CDH12: variants seen among roughly 807,000 people sequenced by gnomAD.
CDH12 encodes cadherin-12.
A neutral mutation model predicts 74.1 loss-of-function variants in CDH12; 41 were observed. That is an observed-to-expected ratio of 0.55 (90% CI 0.43 to 0.72). CDH12 has a LOEUF of 0.72. Ranked by LOEUF, CDH12 falls within the 30% of genes least tolerant of loss-of-function variation. The pLI is 0.00. For missense variants in CDH12, 945 were observed against 977.2 expected (o/e 0.97, Z 0.44); for synonymous variants, 399 against 355.0 (o/e 1.12, Z -1.39).
chr5:22,801,789 T>G (rs1198868713), intron 1 of CDH12, among the ~76,000 whole-genome samples: 4 of 151,092 alleles, frequency 2.6e-5, no homozygotes, highest in Non-Finnish European at 5.9e-5. Flanking sequence ...CTGTCCTGTA[T>G]TTATTTTTCT....
rs374166208 is a variant in CDH12, at chr5:22,765,596, G to A, written c.-523+87462C>T. On this transcript the variant is annotated intron_variant, in intron 1 of 14. Coordinates refer to ENST00000382254, the MANE Select transcript of CDH12 (RefSeq NM_004061.5). ...GATTTTTTAACAATGTTTAAATCAA[G>A]TGGTGCATACACTTGGATGTGAACA... 6.6e-5 allele frequency among the ~76,000 whole-genome samples: 10 copies of A among 152,030 alleles called. No individual in the cohort carries two copies. The East Asian group carries it at 1.5e-3, about 23-fold the overall frequency.
Position 21,882,796 on chromosome 5 carries a change from G to A in CDH12, c.527-28006C>T, listed in dbSNP as rs549851840. On this transcript the variant is annotated intron_variant, in intron 6 of 14. Transcript: ENST00000382254. ...ACAGTGATTATTGAGCAGAGCTGGG[G>A]AAGTCCCAACGTAACAAAAGATGGT... 262 of 1,573,586 alleles carry A rather than the reference G, an allele frequency of 1.7e-4. 1 individual carries two copies. The African/African-American group carries it at 2.4e-3, about 14-fold the overall frequency.
At chr5:22,065,649 C>T (rs1741505966) in intron 5 of CDH12, among the ~76,000 whole-genome samples, 1 of 152,078 alleles carries the variant, frequency 6.6e-6, no homozygotes, top group Non-Finnish European at 1.5e-5. Context: ...CCACCACAGA[C>T]AGAAATCAGT....
chr5:22,238,964 G>A (rs1435553677), intron 3 of CDH12, among the ~76,000 whole-genome samples: 1 of 152,164 alleles, frequency 6.6e-6, no homozygotes, highest in South Asian at 2.1e-4. Context: ...GTTAGGGAAA[G>A]AAACACATTT....
intron 3 of CDH12, among the ~76,000 whole-genome samples, chr5:22,218,516 A>T (rs895284443): frequency 6.6e-6 from 1 of 151,802 alleles, no homozygotes. Context: ...CTGTAGAATT[A>T]AAAAATATGG....
intron 12 of CDH12, among the ~76,000 whole-genome samples, 169 bp downstream of exon 12, chr5:21,764,809 A>T (rs1037235815): frequency 6.6e-6 from 1 of 152,130 alleles, no homozygotes; most frequent in Non-Finnish European, 1.5e-5. Flanking sequence ...ACATACATTC[A>T]TCTATATCAT....
chr5:22,029,295 CA>C (rs1197000061), intron 5 of CDH12, among the ~76,000 whole-genome samples: 1 of 152,028 alleles, frequency 6.6e-6, no homozygotes, highest in Non-Finnish European at 1.5e-5. Flanking sequence ...GTCTGCACAG[CA>C]AAAGAAACTA....
At chr5:22,764,904 T>G (rs551931740) in intron 1 of CDH12, among the ~76,000 whole-genome samples, 57 of 152,080 alleles carry the variant, frequency 3.7e-4, no homozygotes, top group Non-Finnish European at 7.8e-4. Flanking sequence ...ATTAAAGAGA[T>G]AAGACGACGG....
chr5:22,110,824 AAGGC>A (rs1191530474), intron 4 of CDH12, among the ~76,000 whole-genome samples: 1 of 152,084 alleles, frequency 6.6e-6, no homozygotes, highest in African/African-American at 2.4e-5. Context: ...TAATGTTACA[AAGGC>A]GGTTCAGTTT....
chr5:21,805,266 A>T (rs1165748882), intron 9 of CDH12, among the ~76,000 whole-genome samples: 1 of 151,904 alleles, frequency 6.6e-6, no homozygotes, highest in Non-Finnish European at 1.5e-5. Context: ...TAAGATCTTA[A>T]TTTTTTTTCC....
intron 1 of CDH12, among the ~76,000 whole-genome samples, chr5:22,726,964 C>A (rs1744194263): frequency 6.6e-6 from 1 of 151,784 alleles, no homozygotes; most frequent in Non-Finnish European, 1.5e-5. Context: ...GTATTATGTA[C>A]TTCTGTCCTT....
rs1449302280 is a variant in CDH12 at position 22,417,055 on chromosome 5, ATTC to A, written c.-427-11707_-427-11705del. 3.3e-5 allele frequency among the ~76,000 whole-genome samples: 5 copies of A among 152,166 alleles called. No individual in the cohort carries two copies. The South Asian group carries it at 1.0e-3, about 31-fold the overall frequency. On this transcript the variant is annotated intron_variant, in intron 2 of 14. Transcript: ENST00000382254. ...TTATTTAGGCTCCAGAGAGCTTTTCATTCTTTTGATTCTTTTATCTCTCTTATT... is the reference window on the plus strand; with the variant it reads ...TTATTTAGGCTCCAGAGAGCTTTTCATTTTGATTCTTTTATCTCTCTTATT...
chr5:22,709,643 C>A (rs530531030), intron 1 of CDH12, among the ~76,000 whole-genome samples: 26 of 152,242 alleles, frequency 1.7e-4, no homozygotes, highest in African/African-American at 6.3e-4. Flanking sequence ...AATCAACGTA[C>A]AGAACCACCT....
intron 13 of CDH12, 106 bp from the exon 14 acceptor site, chr5:21,755,948 T>TG: frequency 9.6e-7 from 1 of 1,041,620 alleles, no homozygotes; most frequent in Non-Finnish European, 1.4e-6. Flanking sequence ...ATCAGGAAAA[T>TG]GGATTCTTAT....
At chr5:22,512,607 C>T (rs1297512757) in intron 1 of CDH12, among the ~76,000 whole-genome samples, 3 of 152,136 alleles carry the variant, frequency 2.0e-5, no homozygotes, top group Non-Finnish European at 4.4e-5. Context: ...AACAGAATTC[C>T]TTGTAAGAAG....
At chr5:22,847,000 C>A (rs900117007) in intron 1 of CDH12, among the ~76,000 whole-genome samples, 11 of 151,934 alleles carry the variant, frequency 7.2e-5, no homozygotes, top group Admixed American at 2.6e-4. Flanking sequence ...GGAATTTGCC[C>A]TATGTGTTAG....
At chr5:22,327,052 T>C (rs1039823862) in intron 3 of CDH12, among the ~76,000 whole-genome samples, 3 of 152,158 alleles carry the variant, frequency 2.0e-5, no homozygotes, top group Non-Finnish European at 2.9e-5. Flanking sequence ...CGTTTCATAG[T>C]GCTTATTTCT....
chr5:22,543,774 T>C (rs1174810813), intron 1 of CDH12, among the ~76,000 whole-genome samples: 1 of 152,344 alleles, frequency 6.6e-6, no homozygotes, highest in East Asian at 1.9e-4. Flanking sequence ...TAGAGTCCTA[T>C]GGTAGGTACC....
intron 3 of CDH12, among the ~76,000 whole-genome samples, chr5:22,249,221 C>A (rs994725909): frequency 6.6e-6 from 1 of 152,062 alleles, no homozygotes; most frequent in Non-Finnish European, 1.5e-5. Context: ...AATGTTAGAG[C>A]CATAGGGTTC....
Sources: gnomAD v4.1 joint callset for allele counts (sites outside exome capture counted in the v4.1 genomes callset) on GRCh38, gnomAD v4.1.1 for gene constraint, MANE v1.5 for transcripts, NCBI Gene and HGNC (gene_info 2026-07-23, HGNC 2026-07-21) for gene names.